The following SLC44A5 variants were observed in gnomAD, a reference collection of about 807,000 sequenced individuals.
SLC44A5 encodes solute carrier family 44 member 5.
Under a neutral mutation model 101.8 loss-of-function variants are expected in SLC44A5, and 57 were observed. That is an observed-to-expected ratio of 0.56 (90% CI 0.45 to 0.70). The LOEUF (loss-of-function observed/expected upper bound fraction) is 0.70. Ranked by LOEUF, SLC44A5 falls within the 30% of genes least tolerant of loss-of-function variation. The pLI, the probability that SLC44A5 is intolerant of heterozygous loss-of-function variation, is 0.00. For missense variants in SLC44A5, 737 were observed against 853.1 expected (o/e 0.86, Z 1.70); for synonymous variants, 281 against 290.9 (o/e 0.97, Z 0.35).
chr1:75,719,956 C>T, the SLC44A5 span, among the ~76,000 whole-genome samples: 4 of 152,168 alleles, frequency 2.6e-5, no homozygotes, highest in South Asian at 2.1e-4. Context: ...GACAAAGCAA[C>T]GCCACCTAGG....
chr1:75,439,623 A>G (rs1665083094), intron 2 of SLC44A5, among the ~76,000 whole-genome samples: 1 of 152,100 alleles, frequency 6.6e-6, no homozygotes, highest in South Asian at 2.1e-4. Flanking sequence ...CAGTGACTAG[A>G]AGACAGAAAT....
At chr1:75,276,487 C>T (rs941410050) in intron 5 of SLC44A5, among the ~76,000 whole-genome samples, 4 of 151,914 alleles carry the variant, frequency 2.6e-5, no homozygotes, top group African/African-American at 9.7e-5. Context: ...GAAATGAGCA[C>T]CCGAAGCATT....
intron 2 of SLC44A5, among the ~76,000 whole-genome samples, chr1:75,439,976 T>C (rs1557785151): frequency 6.6e-6 from 1 of 152,124 alleles, no homozygotes; most frequent in East Asian, 1.9e-4. Context: ...GACAGCACAC[T>C]TTTGAACAGA....
chr1:75,307,723 C>G (rs1655015268), intron 4 of SLC44A5, among the ~76,000 whole-genome samples: 1 of 152,188 alleles, frequency 6.6e-6, no homozygotes, highest in Non-Finnish European at 1.5e-5. Context: ...TCTCTTCTTC[C>G]CACATACATT....
At position 75,546,190 on chromosome 1, in the gene SLC44A5, AATTTTTTTTTTTT is replaced by A. The variant is rs1330706392; in HGVS notation, c.-69-4687_-69-4675del. Among the ~76,000 whole-genome samples the A allele has an allele frequency of 3.6e-4, 4 of 11,126 alleles. 2 individuals carry two copies. The Admixed American group carries it at 4.5e-3, about 13-fold the overall frequency. 7.3% of individuals were successfully genotyped at this position (11,126 alleles called of 152,430 possible). ...TCTTCATAAGACTGTTCAAATTCAA[AATTTTTTTTTTTT>A]TTTTTTTTTTTTTTTGAGACGGAGT... On this transcript the variant is annotated intron_variant, in intron 1 of 23. Transcript: ENST00000370859.
chr1:75,448,858 AG>A (rs1665733691), intron 2 of SLC44A5, among the ~76,000 whole-genome samples: 1 of 152,214 alleles, frequency 6.6e-6, no homozygotes, highest in Admixed American at 6.5e-5. Flanking sequence ...ATCCTTGACA[AG>A]AACTCTAAAG....
chr1:75,696,930 T>C, the SLC44A5 span, among the ~76,000 whole-genome samples: 1 of 151,542 alleles, frequency 6.6e-6, no homozygotes, highest in Non-Finnish European at 1.5e-5. Flanking sequence ...CGGAGTTTTG[T>C]GTTTTATGCG....
At chr1:75,339,705 T>G in intron 3 of SLC44A5, 75 bp from the exon 4 acceptor site, 3 of 1,341,350 alleles carry the variant, frequency 2.2e-6, no homozygotes, top group Non-Finnish European at 3.1e-6. Flanking sequence ...TGAAGAAATA[T>G]CTACATATTG....
chr1:75,699,799 A>G, the SLC44A5 span, among the ~76,000 whole-genome samples: 427 of 152,250 alleles, frequency 2.8e-3, 1 homozygote, highest in Admixed American at 4.5e-3. Context: ...CAAAATAAAG[A>G]GATGGAGGAA....
intron 2 of SLC44A5, among the ~76,000 whole-genome samples, chr1:75,443,928 A>T (rs1270392438): frequency 6.6e-6 from 1 of 152,154 alleles, no homozygotes; most frequent in Non-Finnish European, 1.5e-5. Flanking sequence ...AATGATTTTT[A>T]AAAACCATAT....
At chr1:75,662,927 T>C in the SLC44A5 span, among the ~76,000 whole-genome samples, 4 of 152,142 alleles carry the variant, frequency 2.6e-5, no homozygotes, top group South Asian at 8.3e-4. Flanking sequence ...TCTTATTTAT[T>C]TAAGATCCCA....
chr1:75,527,717 C>CAAAAAAAAA (rs35014234), intron 2 of SLC44A5, among the ~76,000 whole-genome samples: 1 of 149,646 alleles, frequency 6.7e-6, no homozygotes, highest in Non-Finnish European at 1.5e-5. Flanking sequence ...AGCACTGAGG[C>CAAAAAAAAA]AAAAAAAAAA....
upstream of SLC44A5, chr1:75,611,156 A>T: frequency 4.3e-6 from 4 of 937,082 alleles, no homozygotes; most frequent in Middle Eastern, 5.5e-4. Flanking sequence ...GTGTTCCAGT[A>T]TCACTAAGGG....
At chr1:75,604,751 C>A (rs957806377) in intron 1 of SLC44A5, among the ~76,000 whole-genome samples, 2 of 68,782 alleles carry the variant, frequency 2.9e-5, no homozygotes, top group African/African-American at 7.7e-5. Flanking sequence ...GAGGTGAAAC[C>A]AAGGGGTGTG....
intron 2 of SLC44A5, among the ~76,000 whole-genome samples, chr1:75,473,726 C>T (rs868490904): frequency 6.6e-6 from 1 of 152,122 alleles, no homozygotes; most frequent in African/African-American, 2.4e-5. Flanking sequence ...TTTTTCTTGA[C>T]TCTAGCCTTA....
chr1:75,642,545 T>G, the SLC44A5 span, among the ~76,000 whole-genome samples: 5 of 151,762 alleles, frequency 3.3e-5, no homozygotes, highest in Middle Eastern at 3.4e-3. Flanking sequence ...CGAATTCCTA[T>G]TCTGATTGAC....
At chr1:75,611,785 G>A (rs1435179775), upstream of SLC44A5, among the ~76,000 whole-genome samples, 3 of 151,966 alleles carry the variant, frequency 2.0e-5, no homozygotes, top group Non-Finnish European at 2.9e-5. Flanking sequence ...GCAAAATCAC[G>A]AATTGGCTGA....
chr1:75,692,185 CTT>C, the SLC44A5 span, among the ~76,000 whole-genome samples: 10 of 84,764 alleles, frequency 1.2e-4, no homozygotes, highest in Admixed American at 2.9e-4. Flanking sequence ...AGATGGGATT[CTT>C]TTTTTTTTTT....
the SLC44A5 span, among the ~76,000 whole-genome samples, chr1:75,723,117 T>A: frequency 5.2e-3 from 796 of 152,292 alleles, 8 homozygotes; most frequent in African/African-American, 0.018. Flanking sequence ...TCAGGACAAG[T>A]ACAGAGGTCC....
Sources: allele counts gnomAD v4.1 joint callset (sites outside exome capture counted in the v4.1 genomes callset), GRCh38; gene constraint gnomAD v4.1.1; transcripts MANE v1.5; gene names NCBI Gene and HGNC (gene_info 2026-07-23, HGNC 2026-07-21).